Variants in ACTL7B observed in about 807,000 individuals in gnomAD.
ACTL7B encodes actin-like protein 7B.
In ACTL7B, 14 loss-of-function variants were observed where a neutral mutation model predicts 17.5. That is an observed-to-expected ratio of 0.80 (90% CI 0.53 to 1.25). ACTL7B has a LOEUF of 1.25. Among genes scored for constraint, ACTL7B ranks in the 50% most tolerant of loss-of-function variants. The pLI is 0.00. For synonymous variants in ACTL7B, 267 were observed against 252.4 expected (o/e 1.06, Z -0.55); for missense variants, 599 against 573.9 (o/e 1.04, Z -0.45).
Position 108,855,339 on chromosome 9 carries a change from C to T in ACTL7B, c.592G>A (p.Glu198Lys). 1 of 1,609,028 alleles carries T rather than the reference C, an allele frequency of 6.2e-7. No individual in the cohort carries two copies. The highest frequency in any genetic ancestry group is 2.2e-5 in the East Asian group (1 of 44,874). Reference sequence around the variant, plus strand: ...ACGTGCGAGACGCCGTGCCCGCTCTCCACCACCAGCCCCGAGGTCTTGCCG... The same window carrying T: ...ACGTGCGAGACGCCGTGCCCGCTCTTCACCACCAGCCCCGAGGTCTTGCCG... ...SYGKTSGLVV[E>K]SGHGVSHVVP... The change falls in exon 1 of 1, where the codon GAG becomes AAG. Residue 198 changes from glutamate (E) to lysine (K), a missense_variant. By Grantham distance (56) the Glu-to-Lys change is moderately conservative. Transcript: ENST00000374667.
rs747373089 is a variant in ACTL7B, at chr9:108,854,769, C to A, written c.1162G>T (p.Ala388Ser). The A allele has an allele frequency of 8.8e-6, 14 of 1,596,328 alleles. No individual in the cohort carries two copies. The highest frequency in any genetic ancestry group is 1.1e-5 in the Non-Finnish European group (13 of 1,170,766). The stretch of plus-strand genomic sequence containing the variant: ...AGCTGTTGGAAGGCCTGCAGGGAGG[C>A]CAGGATGGAACCGCCGGTCCACACG... ...TSVWTGGSIL[A>S]SLQAFQQLWV... is the part of the protein sequence containing the mutation. Residue 388 changes from alanine to serine, a missense_variant, in exon 1 of 1, where the codon GCC (alanine) becomes TCC (serine). Ala to Ser is a moderately conservative substitution (Grantham distance 99). Coordinates refer to ENST00000374667, the MANE Select transcript of ACTL7B (RefSeq NM_006686.4).
Position 108,855,610 on chromosome 9 carries a change from C to T in ACTL7B, c.321G>A (p.Ala107=). 2.5e-6 allele frequency: 4 copies of T among 1,613,730 alleles called. No homozygotes were observed. Among genetic ancestry groups the T allele is most frequent in the Non-Finnish European group, 3.4e-6 (4 of 1,180,044 alleles). ...TCAGCGGGTTCACCAGCTTGAGAGG[C>T]GCCTCCGTGTTGAGCAGCTCATGGC... ...LVGHELLNTE[A]PLKLVNPLKH... Residue 107 remains alanine, a synonymous_variant, in exon 1 of 1, where the codon GCG becomes GCA. Transcript: ENST00000374667.
In ACTL7B at chr9:108,854,746, C is replaced by A. The variant is rs1284127787; in HGVS notation, c.1185G>T (p.Gln395His). The change falls in exon 1 of 1, where the codon CAG becomes CAT. Residue 395 changes from glutamine to histidine, a missense_variant. Gln to His is a conservative substitution (Grantham distance 24). Transcript: ENST00000374667. ...SILASLQAFQ[Q>H]LWVSKEEFEE... ...CAAACTCTTCCTTGCTGACCCAGAG[C>A]TGTTGGAAGGCCTGCAGGGAGGCCA... is the stretch of plus-strand genomic sequence containing the variant. 2 of 1,563,452 alleles carry A rather than the reference C, an allele frequency of 1.3e-6. No individual in the cohort carries two copies. The highest frequency in any genetic ancestry group is 2.3e-5 in the East Asian group (1 of 44,304).
Position 108,855,071 on chromosome 9 carries a change from T to C in ACTL7B, c.860A>G (p.Lys287Arg). 6.4e-7 allele frequency: 1 copy of C among 1,564,364 alleles called. No homozygotes were observed. The highest frequency in any genetic ancestry group is 1.4e-5 in the African/African-American group (1 of 73,750). Residue 287 changes from lysine (K) to arginine (R), a missense_variant, in exon 1 of 1, where the codon AAA (lysine) becomes AGA (arginine). Coordinates refer to ENST00000374667, the MANE Select transcript of ACTL7B (RefSeq NM_006686.4). ...GCGCTCCTGGCCAATAGTGATGAGT[T>C]TGCCGTCCGGGAGCTCGTAGTCCAC... ...LRVDYELPDGKLITIGQERFR... is the reference protein window; with the variant it reads ...LRVDYELPDGRLITIGQERFR...
In ACTL7B at chr9:108,855,151, G is replaced by A. The variant is rs372138015; in HGVS notation, c.780C>T (p.Cys260=). Residue 260 remains cysteine, a synonymous_variant, in exon 1 of 1, where the codon TGC becomes TGT. Coordinates refer to ENST00000374667, the MANE Select transcript of ACTL7B (RefSeq NM_006686.4). ...CCTCCTCGGGCAGGAAGGCCGCATA[G>A]CAGCACTTCTTCTTGATGTGCTCTA... The part of the protein sequence containing the change: ...HIIEHIKKKC[C]YAAFLPEEEL... The A allele has an allele frequency of 2.1e-5, 34 of 1,611,160 alleles. No individual in the cohort carries two copies. The highest frequency in any genetic ancestry group is 8.0e-5 in the African/African-American group (6 of 74,924).
Position 108,855,813 on chromosome 9 carries a change from T to C in ACTL7B, c.118A>G (p.Lys40Glu), listed in dbSNP as rs1381739827. Reference sequence around the variant, plus strand: ...TTGTGCACCTTCCTGGGCTTCATCTTGAGCTGAGTGGCCGCACCTGTGTCC... The same window carrying C: ...TTGTGCACCTTCCTGGGCTTCATCTCGAGCTGAGTGGCCGCACCTGTGTCC... Reference protein sequence around the residue: ...LRDTGAATQLKMKPRKVHKIK... With the variant: ...LRDTGAATQLEMKPRKVHKIK... The change falls in exon 1 of 1, where the codon AAG becomes GAG. Residue 40 changes from lysine (K) to glutamate (E), a missense_variant. By Grantham distance (56) the Lys-to-Glu change is moderately conservative. Transcript: ENST00000374667. The C allele has an allele frequency of 6.2e-6, 10 of 1,610,888 alleles. No homozygotes were observed. Among genetic ancestry groups the C allele is most frequent in the Non-Finnish European group, 8.5e-6 (10 of 1,179,672 alleles).
At position 108,854,917 on chromosome 9, in the gene ACTL7B, G is replaced by C. The variant is rs549634590; in HGVS notation, c.1014C>G (p.Asn338Lys). The change falls in exon 1 of 1, where the codon AAC becomes AAG. Residue 338 changes from asparagine to lysine, a missense_variant. Physicochemically the swap from Asn to Lys is moderately conservative, Grantham distance 94 (BLOSUM62 0). Transcript: ENST00000374667. ...DTGFKEEMAA[N>K]VLLCGGCTML... ...TAGTGCAGCCGCCACACAGTAGCACGTTGGCGGCCATCTCCTCCTTGAAGC... is the reference window on the plus strand; with the variant it reads ...TAGTGCAGCCGCCACACAGTAGCACCTTGGCGGCCATCTCCTCCTTGAAGC... 5.9e-6 allele frequency: 9 copies of C among 1,516,836 alleles called. No individual in the cohort carries two copies. In the African/African-American group the frequency reaches 7.0e-5, roughly 12 times the overall value. 94.0% of individuals were successfully genotyped at this position (1,516,836 alleles called of 1,614,324 possible).
Position 108,855,370 on chromosome 9 carries a change from G to A in ACTL7B, c.561C>T (p.Tyr187=), listed in dbSNP as rs11543179. 351,569 of 1,612,240 alleles carry A rather than the reference G, an allele frequency of 0.22. 38,757 individuals are homozygous for A. Among genetic ancestry groups the A allele is most frequent in the Admixed American group, 0.25 (14,732 of 60,020 alleles). ...CCAGCCCCGAGGTCTTGCCGTAGGA[G>A]TAGATGGACAGCAACGACTGGGACG... The part of the protein sequence containing the change: ...HVTSQSLLSI[Y]SYGKTSGLVV... Residue 187 remains tyrosine, a synonymous_variant, in exon 1 of 1, where the codon TAC becomes TAT. Transcript: ENST00000374667.
At position 108,855,611 on chromosome 9, in the gene ACTL7B, G is replaced by T. The variant is rs758951342; in HGVS notation, c.320C>A (p.Ala107Glu). ...CAGCGGGTTCACCAGCTTGAGAGGC[G>T]CCTCCGTGTTGAGCAGCTCATGGCC... is the stretch of plus-strand genomic sequence containing the variant. ...LVGHELLNTE[A>E]PLKLVNPLKH... Residue 107 changes from alanine to glutamate, a missense_variant, in exon 1 of 1, where the codon GCG becomes GAG. Transcript: ENST00000374667. 6.2e-7 allele frequency: 1 copy of T among 1,613,716 alleles called. No individual in the cohort carries two copies.
In ACTL7B at chr9:108,855,275, G is replaced by A. The variant is rs146541685; in HGVS notation, c.656C>T (p.Thr219Ile). Reference protein sequence around the residue: ...ISEGDVLPGLTSRADYAGGDL... With the variant: ...ISEGDVLPGLISRADYAGGDL... Reference sequence around the variant, plus strand: ...ACCCCCAGCGTAGTCGGCGCGGCTGGTCAGGCCCGGCAGCACGTCGCCCTC... The same window carrying A: ...ACCCCCAGCGTAGTCGGCGCGGCTGATCAGGCCCGGCAGCACGTCGCCCTC... Residue 219 changes from threonine (T) to isoleucine (I), a missense_variant, in exon 1 of 1, where the codon ACC becomes ATC. Transcript: ENST00000374667. The A allele has an allele frequency of 1.6e-4, 249 of 1,597,806 alleles. No homozygotes were observed. Among genetic ancestry groups the A allele is most frequent in the Non-Finnish European group, 2.0e-4 (237 of 1,177,742 alleles).
Position 108,855,736 on chromosome 9 carries a change from G to A in ACTL7B, c.195C>T (p.Tyr65=). 5 of 1,608,888 alleles carry A rather than the reference G, an allele frequency of 3.1e-6. No individual in the cohort carries two copies. The highest frequency in any genetic ancestry group is 4.2e-6 in the Non-Finnish European group (5 of 1,179,954). The change falls in exon 1 of 1, where the codon TAC becomes TAT. Residue 65 remains tyrosine, a synonymous_variant. Coordinates refer to ENST00000374667, the MANE Select transcript of ACTL7B (RefSeq NM_006686.4). ...AGTAGGTGGGCCTCGGCTCTCCCGC[G>A]TAGCCGCACTTGCAGTACTGGGAGC... ...DLGSQYCKCG[Y]AGEPRPTYFI...
rs142207473 is a variant in ACTL7B at position 108,855,510 on chromosome 9, G to C, written c.421C>G (p.Leu141Val). 20 of 1,613,462 alleles carry C rather than the reference G, an allele frequency of 1.2e-5. No individual in the cohort carries two copies. The Admixed American group carries it at 1.7e-4, about 13-fold the overall frequency. Residue 141 changes from leucine (L) to valine (V), a missense_variant, in exon 1 of 1, where the codon CTC (leucine) becomes GTC (valine). Physicochemically the swap from Leu to Val is conservative, Grantham distance 32. Coordinates refer to ENST00000374667, the MANE Select transcript of ACTL7B (RefSeq NM_006686.4). ...ACCAGCACAGCGTGCTCCTCGGGGA[G>C]GATCTTCATGGCGGTGCGGAAGATG... ...EYIFRTAMKI[L>V]PEEHAVLVSD...
rs753999295 is a variant in ACTL7B at position 108,855,505 on chromosome 9, G to T, written c.426C>A (p.Pro142=). The T allele has an allele frequency of 6.2e-7, 1 of 1,613,538 alleles. No homozygotes were observed. The highest frequency in any genetic ancestry group is 8.5e-7 in the Non-Finnish European group (1 of 1,180,036). ...YIFRTAMKIL[P]EEHAVLVSDP... is the part of the protein sequence containing the mutation. ...CGGAGACCAGCACAGCGTGCTCCTC[G>T]GGGAGGATCTTCATGGCGGTGCGGA... is the stretch of plus-strand genomic sequence containing the variant. Residue 142 remains proline, a synonymous_variant, in exon 1 of 1, where the codon CCC becomes CCA. Coordinates refer to ENST00000374667, the MANE Select transcript of ACTL7B (RefSeq NM_006686.4).
chr9:108,855,680 G>T lies in ACTL7B; in HGVS notation c.251C>A (p.Pro84His). Residue 84 changes from proline to histidine, a missense_variant, in exon 1 of 1, where the codon CCC (proline) becomes CAC (histidine). Coordinates refer to ENST00000374667, the MANE Select transcript of ACTL7B (RefSeq NM_006686.4). ...FISSTVGKRCPEAADAGDTRK... is the reference protein window; with the variant it reads ...FISSTVGKRCHEAADAGDTRK... Reference sequence around the variant, plus strand: ...GGTGTCGCCAGCGTCGGCCGCCTCGGGGCAGCGTTTGCCCACGGTGGAGGA... The same window carrying T: ...GGTGTCGCCAGCGTCGGCCGCCTCGTGGCAGCGTTTGCCCACGGTGGAGGA... The T allele has an allele frequency of 6.2e-7, 1 of 1,612,168 alleles. No homozygotes were observed. The highest frequency in any genetic ancestry group is 1.1e-5 in the South Asian group (1 of 91,078).
chr9:108,855,378 A>C lies in ACTL7B; in HGVS notation c.553T>G (p.Ser185Ala), dbSNP rs756669502. 11 of 1,612,708 alleles carry C rather than the reference A, an allele frequency of 6.8e-6. No individual in the cohort carries two copies. In the African/African-American group the frequency reaches 1.2e-4, roughly 18 times the overall value. The part of the protein sequence containing the change: ...AMHVTSQSLL[S>A]IYSYGKTSGL... ...GAGGTCTTGCCGTAGGAGTAGATGGACAGCAACGACTGGGACGTCACGTGC... is the reference window on the plus strand; with the variant it reads ...GAGGTCTTGCCGTAGGAGTAGATGGCCAGCAACGACTGGGACGTCACGTGC... The change falls in exon 1 of 1, where the codon TCC (serine) becomes GCC (alanine). Residue 185 changes from serine to alanine, a missense_variant. Coordinates refer to ENST00000374667, the MANE Select transcript of ACTL7B (RefSeq NM_006686.4).
At position 108,854,958 on chromosome 9, in the gene ACTL7B, G is replaced by A; in HGVS notation, c.973C>T (p.Arg325Cys). The A allele has an allele frequency of 2.0e-6, 3 of 1,516,172 alleles. No homozygotes were observed. The highest frequency in any genetic ancestry group is 2.6e-6 in the Non-Finnish European group (3 of 1,132,484). 93.9% of individuals were successfully genotyped at this position (1,516,172 alleles called of 1,614,324 possible). The change falls in exon 1 of 1, where the codon CGC becomes TGC. Residue 325 changes from arginine (R) to cysteine (C), a missense_variant. By Grantham distance (180) the Arg-to-Cys change is radical. Coordinates refer to ENST00000374667, the MANE Select transcript of ACTL7B (RefSeq NM_006686.4). ...TCCTTGAAGCCCGTGTCCTGGCAGC[G>A]GCCCAGGCAGGCAGCTGTGAGCTCC... Reference protein sequence around the residue: ...LPELTAACLGRCQDTGFKEEM... With the variant: ...LPELTAACLGCCQDTGFKEEM...
chr9:108,855,012 G>C lies in ACTL7B; in HGVS notation c.919C>G (p.Leu307Val). Residue 307 changes from leucine (L) to valine (V), a missense_variant, in exon 1 of 1, where the codon CTG (leucine) becomes GTG (valine). Transcript: ENST00000374667. ...AGGCCCGGCTGGGTGCTGCCTGCCAGGGAGGGCTGGAAGAGCATCTCAGAG... is the reference window on the plus strand; with the variant it reads ...AGGCCCGGCTGGGTGCTGCCTGCCACGGAGGGCTGGAAGAGCATCTCAGAG... ...RCSEMLFQPSLAGSTQPGLPE... is the reference protein window; with the variant it reads ...RCSEMLFQPSVAGSTQPGLPE... 6.6e-7 allele frequency: 1 copy of C among 1,518,222 alleles called. No homozygotes were observed. Among genetic ancestry groups the C allele is most frequent in the African/African-American group, 1.4e-5 (1 of 72,106 alleles). The allele number at this position is 1,518,222 out of a possible 1,614,324, so 94.0% of individuals were successfully genotyped here. A position where few individuals can be genotyped will look rare whatever the true frequency, so the allele number is the denominator to read the frequency against.
At position 108,855,193 on chromosome 9, in the gene ACTL7B, G is replaced by A; in HGVS notation, c.738C>T (p.Asp246=). 3 of 1,602,164 alleles carry A rather than the reference G, an allele frequency of 1.9e-6. No homozygotes were observed. The highest frequency in any genetic ancestry group is 2.2e-5 in the South Asian group (2 of 90,758). Residue 246 remains aspartate (D), a synonymous_variant, in exon 1 of 1, where the codon GAC becomes GAT. Transcript: ENST00000374667. ...LLNEAGHAFT[D]DHLHIIEHIK... The stretch of plus-strand genomic sequence containing the variant: ...TGTGCTCTATGATGTGCAGGTGGTC[G>A]TCCGTGAATGCGTGGCCCGCCTCAT...
rs1314739222 is a variant in ACTL7B at position 108,854,780 on chromosome 9, C to T, written c.1151G>A (p.Gly384Asp). Residue 384 changes from glycine (G) to aspartate (D), a missense_variant, in exon 1 of 1, where the codon GGT becomes GAT. Coordinates refer to ENST00000374667, the MANE Select transcript of ACTL7B (RefSeq NM_006686.4). ...PERKTSVWTG[G>D]SILASLQAFQ... is the part of the protein sequence containing the mutation. ...GGCCTGCAGGGAGGCCAGGATGGAA[C>T]CGCCGGTCCACACGGAGGTCTTCCT... is the stretch of plus-strand genomic sequence containing the variant. 2 of 1,601,450 alleles carry T rather than the reference C, an allele frequency of 1.2e-6. No homozygotes were observed. The highest frequency in any genetic ancestry group is 4.5e-5 in the East Asian group (2 of 44,678).
Sources: gnomAD v4.1 joint callset for allele counts on GRCh38, gnomAD v4.1.1 for gene constraint, MANE v1.5 for transcripts, NCBI Gene and HGNC (gene_info 2026-07-23, HGNC 2026-07-21) for gene names.